The following OTUD4 variants were observed in gnomAD, a reference collection of about 807,000 sequenced individuals.
OTUD4 encodes OTU deubiquitinase 4, also known as OTU domain-containing protein 4.
Under a neutral mutation model 130.4 loss-of-function variants are expected in OTUD4, and 24 were observed. The ratio of observed to expected loss-of-function variants is 0.18; its 90% confidence interval spans 0.13 to 0.26. The LOEUF is 0.26. OTUD4 is among the 10% of genes least tolerant of loss of function. The pLI, the probability that OTUD4 is intolerant of heterozygous loss-of-function variation, is 1.00. For synonymous variants in OTUD4, 420 were observed against 472.5 expected, an observed-to-expected ratio of 0.89 and a Z score of 1.44; for missense variants, 1,031 against 1,329.4, an observed-to-expected ratio of 0.78 and a Z score of 3.49.
intron 8 of OTUD4, 93 bp from the exon 9 acceptor site, chr4:145,155,779 G>C (rs995046990): frequency 9.6e-7 from 1 of 1,046,330 alleles, no homozygotes; most frequent in African/African-American, 1.6e-5. Context: ...ATGAAGAAAA[G>C]AAACTTCAAA....
rs182025062 is a variant in OTUD4, at chr4:145,138,611, A to G, written c.2164T>C (p.Tyr722His). The change falls in exon 21 of 21, where the codon TAC becomes CAC. Residue 722 changes from tyrosine to histidine, a missense_variant. Physicochemically the swap from Tyr to His is moderately conservative, Grantham distance 83. Coordinates refer to ENST00000447906, the MANE Select transcript of OTUD4 (RefSeq NM_001366057.1). Reference protein sequence around the residue: ...CPMWAPHSYLYPLHQAYLAAC... With the variant: ...CPMWAPHSYLHPLHQAYLAAC... ...GCCAGGTAGGCCTGGTGCAGAGGGT[A>G]CAGGTAAGAATGTGGGGCCCACATA... 1.9e-6 allele frequency: 3 copies of G among 1,613,476 alleles called. No homozygotes were observed. Among genetic ancestry groups the G allele is most frequent in the East Asian group, 4.5e-5 (2 of 44,888 alleles).
intron 13 of OTUD4, among the ~76,000 whole-genome samples, chr4:145,148,346 A>G (rs768092550): frequency 4.2e-4 from 64 of 152,160 alleles, no homozygotes; most frequent in Non-Finnish European, 7.2e-4. Context: ...ATTAAAATAC[A>G]AAATTAGCCA....
intron 1 of OTUD4, among the ~76,000 whole-genome samples, chr4:145,176,603 G>A (rs1020427080): frequency 1.4e-4 from 22 of 152,178 alleles, no homozygotes; most frequent in African/African-American, 5.3e-4. Flanking sequence ...GGAGGCTGAG[G>A]CAGGAGAATG....
Position 145,152,567 on chromosome 4 carries a change from T to C in OTUD4, c.942A>G (p.Pro314=). ...TCTTTCCCAGTTCTTCAACCAAAAC[T>C]GGTCCATTCTCAGAATGAATTCCTT... ...DVQGIHSENG[P]VLVEELGKKH... The change falls in exon 11 of 21, where the codon CCA becomes CCG. Residue 314 remains proline, a synonymous_variant. Coordinates refer to ENST00000447906, the MANE Select transcript of OTUD4 (RefSeq NM_001366057.1). 6.2e-7 allele frequency: 1 copy of C among 1,608,476 alleles called. No homozygotes were observed.
intron 3 of OTUD4, among the ~76,000 whole-genome samples, chr4:145,169,179 G>A (rs1364181493): frequency 6.6e-6 from 1 of 152,202 alleles, no homozygotes; most frequent in African/African-American, 2.4e-5. Context: ...ACTTTCTGGA[G>A]AGATGGAAAT....
intron 8 of OTUD4, 36 bp from the exon 9 acceptor site, chr4:145,155,722 T>C (rs1751253594): frequency 2.2e-6 from 3 of 1,359,258 alleles, no homozygotes; most frequent in South Asian, 1.3e-5. Context: ...AACACATAAG[T>C]GCTTTTAAAA....
chr4:145,160,375 C>T (rs1027534094), intron 6 of OTUD4, among the ~76,000 whole-genome samples: 2 of 152,158 alleles, frequency 1.3e-5, no homozygotes, highest in African/African-American at 4.8e-5. Flanking sequence ...GACAACTTTG[C>T]TGCTTTAAAT....
rs1042913780 is a variant in OTUD4 at position 145,174,829 on chromosome 4, T to C, written c.160-85A>G. The C allele has an allele frequency of 6.9e-6, 5 of 725,974 alleles. No individual in the cohort carries two copies. In the African/African-American group the frequency reaches 8.7e-5, roughly 13 times the overall value. 45.0% of individuals were successfully genotyped at this position (725,974 alleles called of 1,614,324 possible). ...GTCTTCTTTTACACCCAAAATAATC[T>C]GACAACCAATAGATTATCAGTCTTT... On this transcript the variant is annotated intron_variant, in intron 1 of 20. Coordinates refer to ENST00000447906, the MANE Select transcript of OTUD4 (RefSeq NM_001366057.1).
chr4:145,165,937 G>C (rs1751849452), intron 3 of OTUD4, among the ~76,000 whole-genome samples: 1 of 151,938 alleles, frequency 6.6e-6, no homozygotes, highest in African/African-American at 2.4e-5. Flanking sequence ...CAAGGAGGGC[G>C]GATCACCTGA....
intron 3 of OTUD4, 97 bp downstream of exon 3, chr4:145,171,573 C>A: frequency 1.5e-6 from 1 of 673,358 alleles, no homozygotes; most frequent in Non-Finnish European, 2.7e-6. Context: ...ACTGCAACTC[C>A]TCTATACACT....
intron 5 of OTUD4, among the ~76,000 whole-genome samples, chr4:145,163,511 C>A (rs1483646209): frequency 6.6e-6 from 1 of 151,856 alleles, no homozygotes; most frequent in African/African-American, 2.4e-5. Context: ...AATGGCAGAA[C>A]CTATTTTCAC....
intron 2 of OTUD4, among the ~76,000 whole-genome samples, chr4:145,172,746 T>C (rs562469766): frequency 4.6e-5 from 7 of 152,108 alleles, no homozygotes; most frequent in Non-Finnish European, 1.0e-4. Flanking sequence ...ATATCTTAAA[T>C]TTCGAAAGAT....
chr4:145,157,684 CAAAAAAA>C (rs923938636), intron 7 of OTUD4, among the ~76,000 whole-genome samples: 820 of 44,100 alleles, frequency 0.019, 15 homozygotes, highest in South Asian at 0.11. Flanking sequence ...AACTCCGTCT[CAAAAAAA>C]AAAAAAAAAA....
chr4:145,149,584 A>G lies in OTUD4; in HGVS notation c.1259+929T>C, dbSNP rs894561779. On this transcript the variant is annotated intron_variant, in intron 13 of 20. Coordinates refer to ENST00000447906, the MANE Select transcript of OTUD4 (RefSeq NM_001366057.1). Reference sequence around the variant, plus strand: ...GTGAGAAGGGGTGAAAGAGTAGAACAAGGAGTTTGATCTGTAACTGACTGT... The same window carrying G: ...GTGAGAAGGGGTGAAAGAGTAGAACGAGGAGTTTGATCTGTAACTGACTGT... 3.9e-5 allele frequency: 6 copies of G among 152,376 alleles called. No individual in the cohort carries two copies. The East Asian group carries it at 1.2e-3, about 29-fold the overall frequency. The allele number at this position is 152,376 out of a possible 1,614,324, so 9.4% of individuals were successfully genotyped here.
chr4:145,173,158 G>A (rs762967089), intron 2 of OTUD4, among the ~76,000 whole-genome samples: 55 of 152,144 alleles, frequency 3.6e-4, no homozygotes, highest in Non-Finnish European at 6.9e-4. Flanking sequence ...TTGGGAGGCC[G>A]GGGCAGGCAG....
Position 145,134,095 on chromosome 4 carries a change from T to C in OTUD4, c.*3335A>G, listed in dbSNP as rs1750126549. The C allele has an allele frequency of 1.3e-5, 2 of 152,640 alleles. No homozygotes were observed. The highest frequency in any genetic ancestry group is 2.9e-5 in the Non-Finnish European group (2 of 68,042). The allele number at this position is 152,640 out of a possible 1,614,324, so 9.5% of individuals were successfully genotyped here. A position where few individuals can be genotyped will look rare whatever the true frequency, so the allele number is the denominator to read the frequency against. ...CACCCACCCCTCTTCTAAGATTTTC[T>C]AAAACTTGTATTTCGGGGAGAAAGA... is the stretch of plus-strand genomic sequence containing the variant. On this transcript the variant is annotated 3_prime_UTR_variant, in exon 21 of 21. Transcript: ENST00000447906.
chr4:145,139,928 T>C (rs1211656012), intron 20 of OTUD4, 23 bp downstream of exon 20: 1 of 735,010 alleles, frequency 1.4e-6, no homozygotes, highest in Non-Finnish European at 2.2e-6. Context: ...AAAATAACTT[T>C]TAAGATGATA....
chr4:145,141,683 A>T (rs768617834), intron 18 of OTUD4, 44 bp from the exon 19 acceptor site: 4 of 1,481,120 alleles, frequency 2.7e-6, no homozygotes, highest in Non-Finnish European at 3.6e-6. Flanking sequence ...AAAGATGAAA[A>T]TCTCTACAAA....
chr4:145,151,901 G>T (rs1041480301), intron 11 of OTUD4, among the ~76,000 whole-genome samples: 2 of 152,134 alleles, frequency 1.3e-5, no homozygotes, highest in African/African-American at 4.8e-5. Flanking sequence ...GACAAACACT[G>T]ACTGAATACT....
Sources: allele counts gnomAD v4.1 joint callset (sites outside exome capture counted in the v4.1 genomes callset), GRCh38; gene constraint gnomAD v4.1.1; transcripts MANE v1.5; gene names NCBI Gene and HGNC (gene_info 2026-07-23, HGNC 2026-07-21).